Variants in MITF observed in about 807,000 individuals in gnomAD.
MITF encodes the protein microphthalmia-associated transcription factor.
In MITF, 17 loss-of-function variants were observed where a neutral mutation model predicts 60.5. The observed-to-expected ratio is 0.28, with a 90% CI of 0.19 to 0.42. The LOEUF (loss-of-function observed/expected upper bound fraction) is 0.42. MITF is among the 10% of genes least tolerant of loss of function. The pLI is 1.00. For missense variants in MITF, 622 were observed against 683.5 expected, an observed-to-expected ratio of 0.91 and a Z score of 1.00; for synonymous variants, 260 against 248.5, an observed-to-expected ratio of 1.05 and a Z score of -0.43.
chr3:69,851,618 A>G (rs979813266), intron 1 of MITF, among the ~76,000 whole-genome samples: 13 of 152,140 alleles, frequency 8.5e-5, no homozygotes, highest in African/African-American at 3.1e-4. Context: ...AAACATAGAA[A>G]CAGAAAACTG....
chr3:69,813,682 A>G (rs1387486644), intron 1 of MITF, among the ~76,000 whole-genome samples: 4 of 152,216 alleles, frequency 2.6e-5, no homozygotes, highest in African/African-American at 9.7e-5. Context: ...TGAATGGAGT[A>G]TACAATACCG....
Position 69,936,208 on chromosome 3 carries a change from G to A in MITF, c.355-1614G>A, listed in dbSNP as rs375474441. On this transcript the variant is annotated intron_variant, in intron 2 of 9. Transcript: ENST00000352241. ...ACTAAAAGATAGTCATCCTGCAGTC[G>A]GAAGTGGCAGTTATTCGGCCATTGG... Among the ~76,000 whole-genome samples the A allele has an allele frequency of 1.8e-3, 268 of 152,222 alleles. 2 individuals are homozygous for A. Among genetic ancestry groups the A allele is most frequent in the African/African-American group, 6.0e-3 (248 of 41,552 alleles).
intron 1 of MITF, among the ~76,000 whole-genome samples, chr3:69,866,556 G>A (rs1337542790): frequency 7.3e-6 from 1 of 136,794 alleles, no homozygotes; most frequent in Non-Finnish European, 1.6e-5. Flanking sequence ...GGGTGGGGGT[G>A]GGGGTGGTAG....
chr3:69,915,000 A>G (rs2065303121), intron 2 of MITF, among the ~76,000 whole-genome samples: 1 of 152,228 alleles, frequency 6.6e-6, no homozygotes, highest in African/African-American at 2.4e-5. Flanking sequence ...AGGGGGAGAT[A>G]TAAAACGTAG....
At position 69,842,173 on chromosome 3, in the gene MITF, G is replaced by A. The variant is rs567591329; in HGVS notation, c.105-36961G>A. ...AGATTTTATGTAAAATCCAAGTATA[G>A]TCAGTTCTGCTATAACACAACATAT... On this transcript the variant is annotated intron_variant, in intron 1 of 9. Transcript: ENST00000352241. Among the ~76,000 whole-genome samples the A allele has an allele frequency of 3.9e-5, 6 of 152,214 alleles. No individual in the cohort carries two copies. The South Asian group carries it at 1.2e-3, about 32-fold the overall frequency.
intron 1 of MITF, among the ~76,000 whole-genome samples, chr3:69,834,048 A>G (rs1224668183): frequency 2.0e-5 from 3 of 150,520 alleles, no homozygotes; most frequent in Admixed American, 6.7e-5. Flanking sequence ...ACACATTATA[A>G]TTGTACATAT....
chr3:69,961,843 A>G (rs1223783215), intron 9 of MITF, among the ~76,000 whole-genome samples: 2 of 152,270 alleles, frequency 1.3e-5, no homozygotes, highest in East Asian at 1.9e-4. Context: ...GGTTCCAAAC[A>G]TGTATATTCA....
intron 2 of MITF, among the ~76,000 whole-genome samples, chr3:69,919,230 T>C (rs1389990143): frequency 1.3e-5 from 2 of 152,252 alleles, no homozygotes; most frequent in Non-Finnish European, 2.9e-5. Context: ...ACTTGCCATT[T>C]TGCTAAAAGT....
intron 1 of MITF, among the ~76,000 whole-genome samples, chr3:69,858,878 T>C (rs1293044741): frequency 6.6e-6 from 1 of 152,192 alleles, no homozygotes; most frequent in Admixed American, 6.5e-5. Flanking sequence ...GGGCTGACTT[T>C]TCATTACCTA....
At chr3:69,853,532 A>G (rs2063861850) in intron 1 of MITF, among the ~76,000 whole-genome samples, 1 of 152,134 alleles carries the variant, frequency 6.6e-6, no homozygotes, top group Admixed American at 6.5e-5. Flanking sequence ...ATGAATAACC[A>G]TGTGCCCACC....
chr3:69,881,926 T>C (rs1289093421), intron 2 of MITF, among the ~76,000 whole-genome samples: 1 of 152,130 alleles, frequency 6.6e-6, no homozygotes, highest in African/African-American at 2.4e-5. Context: ...GGTAGATGTA[T>C]ACAATTAGTC....
intron 1 of MITF, among the ~76,000 whole-genome samples, chr3:69,765,313 A>G (rs1184556223): frequency 6.6e-6 from 1 of 152,222 alleles, no homozygotes; most frequent in African/African-American, 2.4e-5. Context: ...GAATAAGACC[A>G]GAATGTGTCT....
At position 69,936,947 on chromosome 3, in the gene MITF, C is replaced by CT. The variant is rs79472179; in HGVS notation, c.355-857dup. Reference sequence around the variant, plus strand: ...GAACAAAGTAAATATTAGTAGGATTCTTTTTTTTTTTTTTTTTTGGCCTAG... The same window carrying CT: ...GAACAAAGTAAATATTAGTAGGATTCTTTTTTTTTTTTTTTTTTTGGCCTAG... On this transcript the variant is annotated intron_variant, in intron 2 of 9. Transcript: ENST00000352241. 0.034 allele frequency: 9,234 copies of CT among 273,302 alleles called. 107 individuals are homozygous for CT. Among genetic ancestry groups the CT allele is most frequent in the African/African-American group, 0.083 (2,865 of 34,368 alleles). The allele number at this position is 273,302 out of a possible 1,614,324, so 16.9% of individuals were successfully genotyped here.
rs542141862 is a variant in MITF at position 69,755,433 on chromosome 3, G to GTT, written c.104+15769_104+15770dup. Among the ~76,000 whole-genome samples, 13 of 35,424 alleles carry GTT rather than the reference G, an allele frequency of 3.7e-4. 3 individuals carry two copies. Among genetic ancestry groups the GTT allele is most frequent in the African/African-American group, 8.3e-4 (6 of 7,258 alleles). 23.2% of individuals were successfully genotyped at this position (35,424 alleles called of 152,430 possible). A position where few individuals can be genotyped will look rare whatever the true frequency, so the allele number is the denominator to read the frequency against. ...ATCTTTGTATCTTTTACCCTTCTGG[G>GTT]TTTTTTTTTTTTTTTTTTTTTTTTT... On this transcript the variant is annotated intron_variant, in intron 1 of 9. Coordinates refer to ENST00000352241, the MANE Select transcript of MITF (RefSeq NM_001354604.2).
At chr3:69,913,913 T>C (rs1311117406) in intron 2 of MITF, among the ~76,000 whole-genome samples, 1 of 152,182 alleles carries the variant, frequency 6.6e-6, no homozygotes, top group Non-Finnish European at 1.5e-5. Context: ...CACAATGGAT[T>C]ATGGCACTTC....
chr3:69,763,550 A>T, intron 1 of MITF: 1 of 1,143,072 alleles, frequency 8.7e-7, no homozygotes, highest in South Asian at 2.6e-5. Context: ...TTATCACTCT[A>T]TCTCTAATTT....
At chr3:69,840,883 G>C (rs1318250126) in intron 1 of MITF, among the ~76,000 whole-genome samples, 1 of 151,682 alleles carries the variant, frequency 6.6e-6, no homozygotes, top group Non-Finnish European at 1.5e-5. Context: ...ACCCTTCCGA[G>C]TAACTGGGAT....
At chr3:69,859,157 G>C (rs2063969167) in intron 1 of MITF, among the ~76,000 whole-genome samples, 1 of 152,130 alleles carries the variant, frequency 6.6e-6, no homozygotes, top group Admixed American at 6.5e-5. Flanking sequence ...TGGAAAAATG[G>C]TGCCATGTTT....
chr3:69,937,365 G>GGT (rs56689910), intron 2 of MITF, among the ~76,000 whole-genome samples: 22,623 of 141,996 alleles, frequency 0.16, 1,773 homozygotes, highest in African/African-American at 0.22. Flanking sequence ...TTCTTAAGGA[G>GGT]GTGTGTGTGT....
Sources: allele counts gnomAD v4.1 joint callset (sites outside exome capture counted in the v4.1 genomes callset), GRCh38; gene constraint gnomAD v4.1.1; transcripts MANE v1.5; gene names NCBI Gene and HGNC (gene_info 2026-07-23, HGNC 2026-07-21).